Variants in FRMD5 observed in about 807,000 individuals in gnomAD.
The protein encoded by FRMD5 is FERM domain containing 5.
FRMD5 carries 20 observed loss-of-function variants against 69.0 expected under a neutral mutation model. That is an observed-to-expected ratio of 0.29 (90% confidence interval 0.20 to 0.42). FRMD5 has a LOEUF of 0.42. Among genes scored for constraint, FRMD5 ranks in the 10% least tolerant of loss-of-function variants. The pLI is 1.00. For synonymous variants in FRMD5, 271 were observed against 260.1 expected, an observed-to-expected ratio of 1.04 and a Z score of -0.40; for missense variants, 595 against 708.6, an observed-to-expected ratio of 0.84 and a Z score of 1.82.
chr15:43,927,246 G>A (rs922185967), intron 1 of FRMD5, among the ~76,000 whole-genome samples: 3 of 152,162 alleles, frequency 2.0e-5, no homozygotes, highest in Admixed American at 6.5e-5. Context: ...TGGACACCAG[G>A]TGGGGTGGAG....
chr15:44,135,740 G>C (rs1245031069), intron 1 of FRMD5, among the ~76,000 whole-genome samples: 1 of 149,584 alleles, frequency 6.7e-6, no homozygotes, highest in Non-Finnish European at 1.5e-5. Flanking sequence ...CAGGAGAATT[G>C]CTTGAATCCG....
chr15:44,114,093 GA>G (rs932664569), intron 1 of FRMD5, among the ~76,000 whole-genome samples: 19 of 149,332 alleles, frequency 1.3e-4, no homozygotes, highest in South Asian at 4.2e-4. Context: ...AGGTATTTCA[GA>G]AAAAAAAATG....
chr15:44,080,113 A>T (rs1268781290), intron 1 of FRMD5, among the ~76,000 whole-genome samples: 1 of 152,116 alleles, frequency 6.6e-6, no homozygotes, highest in South Asian at 2.1e-4. Context: ...TTATATATAT[A>T]TTTTACCACA....
chr15:44,099,284 TAC>T (rs1423016802), intron 1 of FRMD5, among the ~76,000 whole-genome samples: 1 of 152,158 alleles, frequency 6.6e-6, no homozygotes, highest in African/African-American at 2.4e-5. Flanking sequence ...CTTGTTAAAA[TAC>T]AGATTCTGAT....
intron 1 of FRMD5, among the ~76,000 whole-genome samples, chr15:44,045,131 A>C (rs527287717): frequency 6.6e-6 from 1 of 152,236 alleles, no homozygotes; most frequent in Non-Finnish European, 1.5e-5. Context: ...TCCTACACTC[A>C]CAAGTTAGTG....
intron 1 of FRMD5, among the ~76,000 whole-genome samples, chr15:44,146,540 T>C (rs1054252645): frequency 1.3e-5 from 2 of 152,230 alleles, no homozygotes; most frequent in African/African-American, 4.8e-5. Flanking sequence ...CAAATGGTAT[T>C]TCTGGCTCTA....
At chr15:44,163,107 G>A (rs183960384) in intron 1 of FRMD5, among the ~76,000 whole-genome samples, 1 of 152,158 alleles carries the variant, frequency 6.6e-6, no homozygotes, top group South Asian at 2.1e-4. Context: ...CCGAGAGGCG[G>A]AGCTTGCAGT....
intron 1 of FRMD5, among the ~76,000 whole-genome samples, chr15:44,030,157 A>C (rs1891615374): frequency 6.6e-6 from 1 of 152,220 alleles, no homozygotes; most frequent in Non-Finnish European, 1.5e-5. Context: ...TAGGCAGACT[A>C]AATGGGAATG....
At chr15:43,900,493 A>C (rs997719342) in intron 7 of FRMD5, among the ~76,000 whole-genome samples, 1 of 152,176 alleles carries the variant, frequency 6.6e-6, no homozygotes, top group Non-Finnish European at 1.5e-5. Flanking sequence ...GAAGATGACC[A>C]GGGTTTCTGA....
chr15:44,184,690 GATA>G (rs1186720243), intron 1 of FRMD5, among the ~76,000 whole-genome samples: 2 of 152,138 alleles, frequency 1.3e-5, no homozygotes, highest in African/African-American at 4.8e-5. Flanking sequence ...AAGCAAAGGA[GATA>G]ATAAGAGATG....
chr15:44,070,223 C>T (rs903699869), intron 1 of FRMD5, among the ~76,000 whole-genome samples: 5 of 151,784 alleles, frequency 3.3e-5, no homozygotes, highest in Non-Finnish European at 7.4e-5. Context: ...GCTTGTAATC[C>T]TAGCTCTTTG....
intron 8 of FRMD5, among the ~76,000 whole-genome samples, chr15:43,890,953 C>A (rs76266239): frequency 6.6e-6 from 1 of 152,132 alleles, no homozygotes; most frequent in Non-Finnish European, 1.5e-5. Flanking sequence ...CCCAGCAGAA[C>A]GCTGACTAGG....
chr15:44,007,805 C>G (rs1334578634), intron 1 of FRMD5, among the ~76,000 whole-genome samples: 1 of 151,858 alleles, frequency 6.6e-6, no homozygotes, highest in African/African-American at 2.4e-5. Flanking sequence ...GCCACCACCC[C>G]GGCTAATTTT....
At chr15:43,962,930 T>C (rs1302587077) in intron 1 of FRMD5, among the ~76,000 whole-genome samples, 1 of 152,200 alleles carries the variant, frequency 6.6e-6, no homozygotes, top group Non-Finnish European at 1.5e-5. Context: ...GACTTACATG[T>C]TAGACCTAAA....
intron 10 of FRMD5, 115 bp downstream of exon 10, chr15:43,888,060 T>C: frequency 1.4e-6 from 1 of 728,834 alleles, no homozygotes; most frequent in Admixed American, 2.5e-5. Flanking sequence ...ACTGTCAAGC[T>C]CTTGCCCACT....
intron 1 of FRMD5, among the ~76,000 whole-genome samples, chr15:43,940,585 G>C (rs756412487): frequency 1.3e-5 from 2 of 152,180 alleles, no homozygotes; most frequent in African/African-American, 4.8e-5. Context: ...GTCGGTTGCA[G>C]ATCAATATGG....
At chr15:44,163,799 TTC>T (rs1252420913) in intron 1 of FRMD5, among the ~76,000 whole-genome samples, 1 of 152,222 alleles carries the variant, frequency 6.6e-6, no homozygotes, top group Non-Finnish European at 1.5e-5. Context: ...TCTCCCTCTC[TTC>T]TCTCTGTTCT....
intron 1 of FRMD5, among the ~76,000 whole-genome samples, chr15:44,171,747 G>GA (rs753589853): frequency 4.5e-4 from 68 of 152,244 alleles, no homozygotes; most frequent in Non-Finnish European, 6.0e-4. Context: ...CATTATTAGA[G>GA]AAAGTATGCC....
intron 1 of FRMD5, among the ~76,000 whole-genome samples, chr15:43,947,606 G>A (rs1170106679): frequency 6.6e-6 from 1 of 152,148 alleles, no homozygotes; most frequent in East Asian, 1.9e-4. Context: ...AAGAAAGACG[G>A]AGAGGGCAAG....
Sources: gnomAD v4.1 joint callset for allele counts (sites outside exome capture counted in the v4.1 genomes callset) on GRCh38, gnomAD v4.1.1 for gene constraint, MANE v1.5 for transcripts, NCBI Gene and HGNC (gene_info 2026-07-23, HGNC 2026-07-21) for gene names.